NOL11: variants seen among roughly 807,000 people sequenced by gnomAD.
The protein encoded by NOL11 is nucleolar protein 11.
Under a neutral mutation model 93.0 loss-of-function variants are expected in NOL11, and 42 were observed. The ratio of observed to expected loss-of-function variants is 0.45; its 90% confidence interval spans 0.35 to 0.58. The LOEUF (loss-of-function observed/expected upper bound fraction) is 0.58. Among genes scored for constraint, NOL11 ranks in the 20% least tolerant of loss-of-function variants. The pLI is 0.00. For synonymous variants in NOL11, 296 were observed against 293.7 expected, an observed-to-expected ratio of 1.01 and a Z score of -0.08; for missense variants, 775 against 841.8, an observed-to-expected ratio of 0.92 and a Z score of 0.98.
Position 67,726,617 on chromosome 17 carries a change from A to G in NOL11, c.822A>G (p.Ala274=). ...CTGCCCTGGATCAGGATCACGTCGC[A>G]GTCCTAGGAAGTCCACTAGCAGCTT... ...ALTALDQDHV[A]VLGSPLAASK... is the part of the protein sequence containing the mutation. The change falls in exon 7 of 18, where the codon GCA becomes GCG. Residue 274 remains alanine (A), a synonymous_variant. Transcript: ENST00000253247. The G allele has an allele frequency of 6.2e-7, 1 of 1,606,578 alleles. No individual in the cohort carries two copies. Among genetic ancestry groups the G allele is most frequent in the Non-Finnish European group, 8.5e-7 (1 of 1,177,734 alleles).
chr17:67,733,282 T>C (rs1054868964), intron 7 of NOL11, among the ~76,000 whole-genome samples: 1 of 152,076 alleles, frequency 6.6e-6, no homozygotes, highest in Non-Finnish European at 1.5e-5. Context: ...GGAGAATCAC[T>C]TGAACCCAGG....
At chr17:67,725,152 G>A (rs949337613) in intron 6 of NOL11, among the ~76,000 whole-genome samples, 1 of 152,130 alleles carries the variant, frequency 6.6e-6, no homozygotes, top group Non-Finnish European at 1.5e-5. Flanking sequence ...AGCTGATAAG[G>A]CCCAGGTTCT....
At chr17:67,738,540 A>C (rs2055225380) in intron 14 of NOL11, 185 bp downstream of exon 14, 1 of 560,494 alleles carries the variant, frequency 1.8e-6, no homozygotes, top group Non-Finnish European at 3.1e-6. Flanking sequence ...AACCTGTTTA[A>C]TTTAACTAGG....
intron 5 of NOL11, 126 bp downstream of exon 5, chr17:67,722,763 C>G: frequency 1.6e-6 from 2 of 1,254,936 alleles, no homozygotes; most frequent in Non-Finnish European, 2.1e-6. Flanking sequence ...TGGTTCACTG[C>G]AGCCTCAACC....
At position 67,721,537 on chromosome 17, in the gene NOL11, G is replaced by A. The variant is rs2043217725; in HGVS notation, c.461+11G>A. 2 of 1,595,430 alleles carry A rather than the reference G, an allele frequency of 1.3e-6. No homozygotes were observed. Among genetic ancestry groups the A allele is most frequent in the African/African-American group, 2.7e-5 (2 of 74,014 alleles). On this transcript the variant is annotated intron_variant, in intron 4 of 17. Coordinates refer to ENST00000253247, the MANE Select transcript of NOL11 (RefSeq NM_015462.5). The stretch of plus-strand genomic sequence containing the variant: ...TGAAGAAGTGATTAAGTAAGTTCCA[G>A]TACTTGTAAGTAAATTTATCAAAAT...
intron 7 of NOL11, 181 bp downstream of exon 7, chr17:67,726,829 A>T (rs1229888601): frequency 2.1e-6 from 1 of 481,398 alleles, no homozygotes; most frequent in Non-Finnish European, 3.6e-6. Flanking sequence ...TTTATTTTGC[A>T]TTGATCTTTC....
intron 14 of NOL11, chr17:67,738,673 A>C: frequency 2.2e-6 from 1 of 458,500 alleles, no homozygotes; most frequent in South Asian, 3.7e-5. Flanking sequence ...TCTCTACATC[A>C]GATTTAAAAA....
At chr17:67,741,684 G>T (rs1225927274) in intron 16 of NOL11, among the ~76,000 whole-genome samples, 1 of 152,000 alleles carries the variant, frequency 6.6e-6, no homozygotes, top group African/African-American at 2.4e-5. Context: ...CAATTCTCCT[G>T]CCTCAGCCTC....
intron 17 of NOL11, 32 bp from the exon 18 acceptor site, chr17:67,743,710 TG>T: frequency 7.8e-7 from 1 of 1,285,892 alleles, no homozygotes; most frequent in Non-Finnish European, 1.1e-6. Flanking sequence ...GTAGACATTA[TG>T]GTAAAAGTTA....
intron 1 of NOL11, 24 bp downstream of exon 1, chr17:67,718,112 G>T: frequency 6.2e-7 from 1 of 1,603,368 alleles, no homozygotes; most frequent in South Asian, 1.1e-5. Context: ...GTTTGGGAGC[G>T]CCCCGACTGC....
chr17:67,741,020 C>T (rs983153487), intron 16 of NOL11, among the ~76,000 whole-genome samples: 1 of 152,160 alleles, frequency 6.6e-6, no homozygotes, highest in Non-Finnish European at 1.5e-5. Context: ...ACTTACCCTC[C>T]CAAGTAGCTG....
At chr17:67,740,007 G>A (rs1022023825) in intron 16 of NOL11, among the ~76,000 whole-genome samples, 1 of 152,060 alleles carries the variant, frequency 6.6e-6, no homozygotes, top group Non-Finnish European at 1.5e-5. Flanking sequence ...AGGCCGAGGC[G>A]GGAGGATCAC....
Position 67,726,516 on chromosome 17 carries a change from A to G in NOL11, c.721A>G (p.Lys241Glu). Reference protein sequence around the residue: ...LIPIRPADPEKNQSLVKSLLL... With the variant: ...LIPIRPADPEENQSLVKSLLL... ...ACCAATACGTCCAGCTGACCCAGAA[A>G]AAAATCAGAGCTTAGTTAAATCACT... The change falls in exon 7 of 18, where the codon AAA (lysine) becomes GAA (glutamate). Residue 241 changes from lysine (K) to glutamate (E), a missense_variant. Coordinates refer to ENST00000253247, the MANE Select transcript of NOL11 (RefSeq NM_015462.5). The G allele has an allele frequency of 1.9e-6, 3 of 1,614,156 alleles. No homozygotes were observed. Among genetic ancestry groups the G allele is most frequent in the Non-Finnish European group, 2.5e-6 (3 of 1,180,026 alleles).
intron 7 of NOL11, among the ~76,000 whole-genome samples, chr17:67,731,573 G>A (rs2055154773): frequency 6.6e-6 from 1 of 152,162 alleles, no homozygotes; most frequent in Admixed American, 6.6e-5. Context: ...TTCGTTGCTT[G>A]TGCTTTTGGT....
In NOL11 at chr17:67,724,092, T is replaced by C. The variant is rs1441315938; in HGVS notation, c.563T>C (p.Ile188Thr). Reference protein sequence around the residue: ...FAYVQMFNSRILTKYTLLLGQ... With the variant: ...FAYVQMFNSRTLTKYTLLLGQ... ...TACGTGCAAATGTTTAACTCACGTA[T>C]CTTAACCAAATATACACTCTTACTT... Residue 188 changes from isoleucine to threonine, a missense_variant, in exon 6 of 18, where the codon ATC (isoleucine) becomes ACC (threonine). This residue lies in a region of NOL11 where 359 missense variants were observed against 316.5 expected (regional missense o/e 1.13). Coordinates refer to ENST00000253247, the MANE Select transcript of NOL11 (RefSeq NM_015462.5). 4 of 1,585,246 alleles carry C rather than the reference T, an allele frequency of 2.5e-6. No individual in the cohort carries two copies. In the African/African-American group the frequency reaches 5.5e-5, roughly 22 times the overall value.
rs187142504 is a variant in NOL11, at chr17:67,734,945, A to G, written c.930+506A>G. 1.6e-4 allele frequency among the ~76,000 whole-genome samples: 24 copies of G among 152,344 alleles called. No homozygotes were observed. The East Asian group carries it at 4.4e-3, about 28-fold the overall frequency. On this transcript the variant is annotated intron_variant, in intron 8 of 17. Coordinates refer to ENST00000253247, the MANE Select transcript of NOL11 (RefSeq NM_015462.5). Reference sequence around the variant, plus strand: ...AAAATTCTAAATTTTTGCCAGAACAATTAGCTATTTAATAAAACAGCTTTT... The same window carrying G: ...AAAATTCTAAATTTTTGCCAGAACAGTTAGCTATTTAATAAAACAGCTTTT...
At position 67,737,699 on chromosome 17, in the gene NOL11, G is replaced by C. The variant is rs769549898; in HGVS notation, c.1403+7G>C. ...CGCATGTGCTTTCTTACAGGTAGCT[G>C]TTTGTGTGTACCACACTGTACGTGC... On this transcript the variant is annotated splice_region_variant and intron_variant, in intron 12 of 17. Transcript: ENST00000253247. The C allele has an allele frequency of 6.2e-7, 1 of 1,612,120 alleles. No homozygotes were observed. Among genetic ancestry groups the C allele is most frequent in the Non-Finnish European group, 8.5e-7 (1 of 1,179,242 alleles).
chr17:67,719,476 G>C (rs1467591007), intron 1 of NOL11, 198 bp from the exon 2 acceptor site: 5 of 377,566 alleles, frequency 1.3e-5, no homozygotes, highest in South Asian at 1.2e-4. Context: ...GGTCAAGCTG[G>C]TCTCGAACTC....
intron 2 of NOL11, 51 bp from the exon 3 acceptor site, chr17:67,719,855 A>G (rs764053417): frequency 6.6e-7 from 1 of 1,506,306 alleles, no homozygotes; most frequent in East Asian, 2.3e-5. Flanking sequence ...TGTATTTATT[A>G]TATGTAAATG....
Sources: gnomAD v4.1 joint callset for allele counts (sites outside exome capture counted in the v4.1 genomes callset) on GRCh38, gnomAD v4.1.1 for gene constraint, gnomAD v4.1.1 regional missense constraint, MANE v1.5 for transcripts, NCBI Gene and HGNC (gene_info 2026-07-23, HGNC 2026-07-21) for gene names.